RAP1GAP2: variants seen among roughly 807,000 people sequenced by gnomAD.
RAP1GAP2 encodes rap1 GTPase-activating protein 2.
In RAP1GAP2, 27 loss-of-function variants were observed where a neutral mutation model predicts 95.0. The observed-to-expected ratio is 0.28, with a 90% CI of 0.21 to 0.39. RAP1GAP2 has a LOEUF of 0.39. Ranked by LOEUF, RAP1GAP2 falls within the 10% of genes least tolerant of loss-of-function variation. The pLI, the probability that RAP1GAP2 is intolerant of heterozygous loss-of-function variation, is 1.00. For missense variants in RAP1GAP2, 771 were observed against 970.0 expected (o/e 0.79, Z 2.72); for synonymous variants, 373 against 380.9 (o/e 0.98, Z 0.24).
chr17:2,838,016 CTT>C (rs71153304), intron 2 of RAP1GAP2, among the ~76,000 whole-genome samples: 3 of 94,436 alleles, frequency 3.2e-5, no homozygotes, highest in Admixed American at 1.6e-4. Context: ...TTCTTTTTTC[CTT>C]TTTTTTTTTT....
At chr17:2,778,807 G>A (rs1347315617) in intron 1 of RAP1GAP2, among the ~76,000 whole-genome samples, 1 of 152,212 alleles carries the variant, frequency 6.6e-6, no homozygotes, top group Non-Finnish European at 1.5e-5. Context: ...CGAGGACATG[G>A]GGTTTGAAGG....
chr17:2,785,549 A>G (rs2068752256), intron 1 of RAP1GAP2, among the ~76,000 whole-genome samples: 1 of 152,214 alleles, frequency 6.6e-6, no homozygotes, highest in South Asian at 2.1e-4. Context: ...TGAAAAAAGC[A>G]TTGTGAAACT....
Position 3,008,100 on chromosome 17 carries a change from C to A in RAP1GAP2, c.1449C>A (p.Asp483Glu), listed in dbSNP as rs757645781. Residue 483 changes from aspartate (D) to glutamate (E), a missense_variant, in exon 17 of 25, where the codon GAC becomes GAA. Transcript: ENST00000254695. This position sits in a 1 kb window ranked among gnomAD's most constrained non-coding sequence, Gnocchi z 4.2. ...TGCTGGGACTGGGCCCAGAGGAGGA[C>A]AAGTTTGAGAATGGAGGCCACGGGG... ...QAMLGLGPEE[D>E]KFENGGHGGF... The A allele has an allele frequency of 6.2e-7, 1 of 1,613,930 alleles. No homozygotes were observed. Among genetic ancestry groups the A allele is most frequent in the Non-Finnish European group, 8.5e-7 (1 of 1,179,864 alleles).
chr17:2,981,782 G>A (rs1056411550), intron 10 of RAP1GAP2, among the ~76,000 whole-genome samples: 1 of 152,214 alleles, frequency 6.6e-6, no homozygotes, highest in Non-Finnish European at 1.5e-5. Context: ...ACTGACCCCA[G>A]TTCTGATATG....
exon 1 of RAP1GAP2, chr17:2,755,719 T>A (rs2071126028): frequency 3.0e-6 from 1 of 333,188 alleles, no homozygotes; most frequent in South Asian, 1.4e-4. Context: ...GGGCGAGGCA[T>A]GGCGGGCCGC....
rs1424669320 is a variant in RAP1GAP2, at chr17:2,827,026, GAA to G, written c.80+26478_80+26479del. On this transcript the variant is annotated intron_variant, in intron 2 of 24. Transcript: ENST00000254695. This position sits in a 1 kb window ranked among gnomAD's most constrained non-coding sequence, Gnocchi z 4.1. Reference sequence around the variant, plus strand: ...TTTCGAGAGAGAGAGAGGAGAGAAAGAAAGAAAGAGAGAGAGAAAGAAAGAAA... The same window carrying G: ...TTTCGAGAGAGAGAGAGGAGAGAAAGAGAAAGAGAGAGAGAAAGAAAGAAA... Among the ~76,000 whole-genome samples the G allele has an allele frequency of 6.8e-6, 1 of 146,150 alleles. No individual in the cohort carries two copies.
intron 22 of RAP1GAP2, among the ~76,000 whole-genome samples, chr17:3,030,491 C>T (rs1016979881): frequency 1.3e-5 from 2 of 152,108 alleles, no homozygotes; most frequent in African/African-American, 4.8e-5. Context: ...CTTGTCGTGG[C>T]TGATCTCAAG....
At chr17:2,962,484 G>T in intron 4 of RAP1GAP2, 186 bp from the exon 5 acceptor site, 2 of 587,986 alleles carry the variant, frequency 3.4e-6, no homozygotes, top group Non-Finnish European at 2.9e-6. Flanking sequence ...GCCCAGCGGC[G>T]CTGTTGCCTC....
In RAP1GAP2 at chr17:3,029,260, T is replaced by C. The variant is rs1375371689; in HGVS notation, c.2108-1662T>C. ...GAATTAGAGAGTCTCTGCAGGTTGCTGAAGGTCACCGAGGGCGGAAGGGAC... is the reference window on the plus strand; with the variant it reads ...GAATTAGAGAGTCTCTGCAGGTTGCCGAAGGTCACCGAGGGCGGAAGGGAC... On this transcript the variant is annotated intron_variant, in intron 22 of 24. Transcript: ENST00000254695. This position sits in a 1 kb window ranked among gnomAD's most constrained non-coding sequence, Gnocchi z 4.4. 6.6e-6 allele frequency among the ~76,000 whole-genome samples: 1 copy of C among 152,244 alleles called. No individual in the cohort carries two copies. The highest frequency in any genetic ancestry group is 1.5e-5 in the Non-Finnish European group (1 of 68,036).
At position 2,797,206 on chromosome 17, in the gene RAP1GAP2, G is replaced by A. The variant is rs1045356645; in HGVS notation, c.44+635G>A. 1.8e-4 allele frequency among the ~76,000 whole-genome samples: 27 copies of A among 152,292 alleles called. No homozygotes were observed. Among genetic ancestry groups the A allele is most frequent in the African/African-American group, 6.3e-4 (26 of 41,554 alleles). ...AGGTCTCCCACCTGCACCCCAGGCA[G>A]CCCACCCTAGCTCTGTCCTAGCCTG... On this transcript the variant is annotated intron_variant, in intron 1 of 24. Coordinates refer to ENST00000254695, the MANE Select transcript of RAP1GAP2 (RefSeq NM_015085.5). This position sits in a 1 kb window ranked among gnomAD's most constrained non-coding sequence, Gnocchi z 5.6.
intron 3 of RAP1GAP2, among the ~76,000 whole-genome samples, chr17:2,916,755 C>T (rs977528148): frequency 2.6e-5 from 4 of 152,146 alleles, no homozygotes; most frequent in African/African-American, 9.7e-5. Flanking sequence ...GCGATGGTGG[C>T]GATGACAACC....
At chr17:2,861,647 T>C (rs2072396687) in intron 2 of RAP1GAP2, among the ~76,000 whole-genome samples, 1 of 110,676 alleles carries the variant, frequency 9.0e-6, no homozygotes, top group Non-Finnish European at 1.9e-5. Context: ...TTTGTATTTT[T>C]TTTGGGGGGG....
rs550996983 is a variant in RAP1GAP2, at chr17:2,781,564, CTGTG to C, written c.-14+4291_-14+4294del. ...AGCACGTCTCTGTGTGTGCACGTCT[CTGTG>C]TGTGCAGGTCTCTGTGTGGGCACGT... On this transcript the variant is annotated intron_variant, in intron 1 of 24. Coordinates refer to the RAP1GAP2 transcript ENST00000540393. Among the ~76,000 whole-genome samples, 400 of 129,760 alleles carry C rather than the reference CTGTG, an allele frequency of 3.1e-3. 2 individuals carry two copies. Among genetic ancestry groups the C allele is most frequent in the African/African-American group, 0.011 (372 of 34,240 alleles). 85.1% of individuals were successfully genotyped at this position (129,760 alleles called of 152,430 possible). A position where few individuals can be genotyped will look rare whatever the true frequency, so the allele number is the denominator to read the frequency against.
intron 2 of RAP1GAP2, among the ~76,000 whole-genome samples, chr17:2,865,078 C>T (rs925591905): frequency 3.9e-5 from 6 of 152,122 alleles, no homozygotes; most frequent in Non-Finnish European, 5.9e-5. Flanking sequence ...TCACCTAGCT[C>T]GTATAACAGA....
At chr17:3,013,632 C>CTTTTTTTTTTTT (rs998163717) in intron 17 of RAP1GAP2, among the ~76,000 whole-genome samples, 13 of 78,870 alleles carry the variant, frequency 1.6e-4, no homozygotes, top group Non-Finnish European at 2.4e-4. Context: ...CTTTTCTTTT[C>CTTTTTTTTTTTT]TTTTTTTTTT....
At chr17:2,931,357 A>G (rs968501174) in intron 3 of RAP1GAP2, among the ~76,000 whole-genome samples, 2 of 150,794 alleles carry the variant, frequency 1.3e-5, no homozygotes, top group African/African-American at 2.5e-5. Context: ...TCTTTGTTGT[A>G]TCAAGTGTTT....
At chr17:2,918,918 A>G (rs941526071) in intron 3 of RAP1GAP2, among the ~76,000 whole-genome samples, 11 of 152,160 alleles carry the variant, frequency 7.2e-5, no homozygotes, top group African/African-American at 2.7e-4. Context: ...GTGCTACATA[A>G]ATATTAGTCA....
chr17:2,841,883 C>T (rs1408032278), intron 2 of RAP1GAP2, among the ~76,000 whole-genome samples: 2 of 152,190 alleles, frequency 1.3e-5, no homozygotes, highest in African/African-American at 2.4e-5. Flanking sequence ...TCCCTTCTCT[C>T]GGGCTCCTCC....
Position 2,896,772 on chromosome 17 carries a change from G to C in RAP1GAP2, c.81-8512G>C, listed in dbSNP as rs538255535. ...TTTTCCTAGCCCTGGTGCAGTTTAG[G>C]ACTTCAGGTCCTGTCCTCATCTAAT... On this transcript the variant is annotated intron_variant, in intron 2 of 24. Transcript: ENST00000254695. 4.6e-5 allele frequency among the ~76,000 whole-genome samples: 7 copies of C among 152,300 alleles called. No individual in the cohort carries two copies. The East Asian group carries it at 1.4e-3, about 29-fold the overall frequency.
Sources: allele counts gnomAD v4.1 joint callset (sites outside exome capture counted in the v4.1 genomes callset), GRCh38; gene constraint gnomAD v4.1.1; non-coding constraint Gnocchi (gnomAD v3.1); transcripts MANE v1.5; gene names NCBI Gene and HGNC (gene_info 2026-07-23, HGNC 2026-07-21).